Variants in PCDHGA6 observed in about 807,000 individuals in gnomAD.
PCDHGA6 encodes protocadherin gamma-A6.
Under a neutral mutation model 60.6 loss-of-function variants are expected in PCDHGA6, and 41 were observed. That is an observed-to-expected ratio of 0.68 (90% CI 0.53 to 0.88). PCDHGA6 has a LOEUF of 0.88. Among genes scored for constraint, PCDHGA6 ranks in the 40% least tolerant of loss-of-function variants. The pLI is 0.00. For missense variants in PCDHGA6, 1,312 were observed against 1,203.0 expected, an observed-to-expected ratio of 1.09 and a Z score of -1.34; for synonymous variants, 594 against 524.4, an observed-to-expected ratio of 1.13 and a Z score of -1.81.
Position 141,438,643 on chromosome 5 carries a change from C to CATAT in PCDHGA6, c.2425-56163_2425-56162insTATA, listed in dbSNP as rs1213792286. ...ATATATATATATATATATACACACACACACACACATATATGTATATATATA... is the reference window on the plus strand; with the variant it reads ...ATATATATATATATATATACACACACATATACACACACATATATGTATATATATA... On this transcript the variant is annotated intron_variant, in intron 1 of 3. Transcript: ENST00000517434. Among the ~76,000 whole-genome samples, 345 of 117,382 alleles carry CATAT rather than the reference C, an allele frequency of 2.9e-3. 2 individuals are homozygous for CATAT. Among genetic ancestry groups the CATAT allele is most frequent in the Admixed American group, 6.8e-3 (78 of 11,434 alleles). 77.0% of individuals were successfully genotyped at this position (117,382 alleles called of 152,430 possible). A position where few individuals can be genotyped will look rare whatever the true frequency, so the allele number is the denominator to read the frequency against.
chr5:141,510,435 C>T (rs938448523), intron 3 of PCDHGA6, among the ~76,000 whole-genome samples: 2 of 152,108 alleles, frequency 1.3e-5, no homozygotes, highest in Non-Finnish European at 2.9e-5. Context: ...ATGGCTGCTG[C>T]CCTCCAGGAG....
rs775270875 is a variant in PCDHGA6 at position 141,410,577 on chromosome 5, A to G, written c.2424+34070A>G. ...TCTCCTGGAGCCTTAATTCCACCTCATGGTGGGGAGGATTTGACTTCACAT... is the reference window on the plus strand; with the variant it reads ...TCTCCTGGAGCCTTAATTCCACCTCGTGGTGGGGAGGATTTGACTTCACAT... On this transcript the variant is annotated intron_variant, in intron 1 of 3. Coordinates refer to ENST00000517434, the MANE Select transcript of PCDHGA6 (RefSeq NM_018919.3). 4 of 1,610,116 alleles carry G rather than the reference A, an allele frequency of 2.5e-6. No homozygotes were observed. In the Admixed American group the frequency reaches 5.0e-5, roughly 20 times the overall value.
At chr5:141,510,677 A>G (rs2099882239) in intron 3 of PCDHGA6, among the ~76,000 whole-genome samples, 2 of 152,212 alleles carry the variant, frequency 1.3e-5, no homozygotes, top group African/African-American at 4.8e-5. Context: ...CTGAAGTGGC[A>G]TAAGGAGGTT....
chr5:141,422,286 T>C, intron 1 of PCDHGA6: 2 of 1,554,938 alleles, frequency 1.3e-6, no homozygotes, highest in Non-Finnish European at 1.7e-6. Flanking sequence ...TCACCTCTTC[T>C]ATTAATTCAA....
intron 1 of PCDHGA6, chr5:141,416,047 A>T (rs2095986655): frequency 1.6e-5 from 3 of 187,858 alleles, no homozygotes; most frequent in Non-Finnish European, 3.2e-5. Context: ...TGGAAACACA[A>T]CCCAAATCCA....
chr5:141,500,520 T>TA (rs2099801149), intron 2 of PCDHGA6, among the ~76,000 whole-genome samples: 2 of 152,312 alleles, frequency 1.3e-5, no homozygotes, highest in Admixed American at 1.3e-4. Flanking sequence ...AGCTTCATTT[T>TA]AAAAAAATCT....
At chr5:141,471,422 A>T (rs919676109) in intron 1 of PCDHGA6, 5 of 152,176 alleles carry the variant, frequency 3.3e-5, no homozygotes, top group Non-Finnish European at 5.9e-5. Context: ...GTTTTTAGCA[A>T]GGAAAGTGTA....
At chr5:141,395,815 A>T (rs1243382510) in intron 1 of PCDHGA6, 1 of 152,044 alleles carries the variant, frequency 6.6e-6, no homozygotes, top group Non-Finnish European at 1.5e-5. Context: ...AAACATGAAC[A>T]AACTTTAAAG....
intron 1 of PCDHGA6, among the ~76,000 whole-genome samples, chr5:141,484,730 G>T (rs1231473842): frequency 6.6e-6 from 1 of 151,728 alleles, no homozygotes; most frequent in Non-Finnish European, 1.5e-5. Context: ...GGGGTCAGTC[G>T]GTGTGTTAGG....
chr5:141,449,584 G>C (rs2098645697), intron 1 of PCDHGA6, among the ~76,000 whole-genome samples: 1 of 123,190 alleles, frequency 8.1e-6, no homozygotes, highest in South Asian at 2.5e-4. Context: ...GCAAGACTCT[G>C]TCTCAAAAAA....
Position 141,431,559 on chromosome 5 carries a change from C to A in PCDHGA6, c.2424+55052C>A. On this transcript the variant is annotated intron_variant, in intron 1 of 3. Coordinates refer to ENST00000517434, the MANE Select transcript of PCDHGA6 (RefSeq NM_018919.3). The surrounding 1 kb of genome is among the most constrained non-coding windows in gnomAD (Gnocchi z 4.8). ...ACGCAGCTGCTTGTAGTCAACGCTA[C>A]CGACCCTGACGAAGGAGTCAATGCG... is the stretch of plus-strand genomic sequence containing the variant. 6.2e-7 allele frequency: 1 copy of A among 1,614,158 alleles called. No homozygotes were observed. The highest frequency in any genetic ancestry group is 8.5e-7 in the Non-Finnish European group (1 of 1,180,030).
chr5:141,477,427 C>T lies in PCDHGA6; in HGVS notation c.2425-17380C>T. On this transcript the variant is annotated intron_variant, in intron 1 of 3. Coordinates refer to ENST00000517434, the MANE Select transcript of PCDHGA6 (RefSeq NM_018919.3). The surrounding 1 kb of genome is among the most constrained non-coding windows in gnomAD (Gnocchi z 4.9). ...CCCGAGACGCCGGAACCCCTTCCCT[C>T]TCAGCCCTTACAATAGTGCGTGTTC... The T allele has an allele frequency of 6.2e-7, 1 of 1,614,220 alleles. No homozygotes were observed. The highest frequency in any genetic ancestry group is 8.5e-7 in the Non-Finnish European group (1 of 1,180,046).
intron 1 of PCDHGA6, among the ~76,000 whole-genome samples, chr5:141,407,339 T>C (rs958646781): frequency 3.3e-5 from 5 of 152,222 alleles, no homozygotes; most frequent in Non-Finnish European, 7.3e-5. Context: ...TTGAAATGTA[T>C]GTTAATTTGG....
At chr5:141,460,035 A>G (rs1246945474) in intron 1 of PCDHGA6, among the ~76,000 whole-genome samples, 1 of 152,140 alleles carries the variant, frequency 6.6e-6, no homozygotes, top group Non-Finnish European at 1.5e-5. Context: ...CCGAGACTGC[A>G]CCACTGCACT....
At chr5:141,417,302 G>A (rs1267397415) in intron 1 of PCDHGA6, 1 of 152,270 alleles carries the variant, frequency 6.6e-6, no homozygotes, top group Non-Finnish European at 1.5e-5. Context: ...GCCTCTGGAT[G>A]GAGGAATTGG....
intron 1 of PCDHGA6, chr5:141,428,860 CT>C (rs34152666): frequency 0.3 from 42,955 of 145,250 alleles, 7,185 homozygotes; most frequent in African/African-American, 0.5. Flanking sequence ...TTACGGGAGA[CT>C]TTTTTTTTTT....
intron 1 of PCDHGA6, chr5:141,418,007 C>T: frequency 6.2e-7 from 1 of 1,613,904 alleles, no homozygotes; most frequent in Non-Finnish European, 8.5e-7. Flanking sequence ...GGTGGGGAAC[C>T]TCGCTAAGGA....
At chr5:141,423,749 T>TTG (rs1249843775) in intron 1 of PCDHGA6, 127 of 272,264 alleles carry the variant, frequency 4.7e-4, no homozygotes, top group South Asian at 6.4e-4. Context: ...TGAAAACTGT[T>TTG]TGGGGGGGGG....
chr5:141,483,606 C>T (rs1460635551), intron 1 of PCDHGA6, among the ~76,000 whole-genome samples: 1 of 151,984 alleles, frequency 6.6e-6, no homozygotes, highest in Non-Finnish European at 1.5e-5. Flanking sequence ...CTGGTTTACA[C>T]CTCCATCATT....
Sources: gnomAD v4.1 joint callset for allele counts (sites outside exome capture counted in the v4.1 genomes callset) on GRCh38, gnomAD v4.1.1 for gene constraint, Gnocchi (gnomAD v3.1) non-coding constraint, MANE v1.5 for transcripts, NCBI Gene and HGNC (gene_info 2026-07-23, HGNC 2026-07-21) for gene names.